The following SDC2 variants were observed in gnomAD, a reference collection of about 807,000 sequenced individuals.
SDC2 encodes syndecan-2.
A neutral mutation model predicts 22.2 loss-of-function variants in SDC2; 13 were observed. The ratio of observed to expected loss-of-function variants is 0.59; its 90% CI spans 0.38 to 0.93. SDC2 has a LOEUF of 0.93. Among genes scored for constraint, SDC2 ranks in the 40% least tolerant of loss-of-function variants. The pLI, the probability that SDC2 is intolerant of heterozygous loss-of-function variation, is 0.00. For missense variants in SDC2, 235 were observed against 246.8 expected, an observed-to-expected ratio of 0.95 and a Z score of 0.32; for synonymous variants, 94 against 92.8, an observed-to-expected ratio of 1.01 and a Z score of -0.07.
intron 1 of SDC2, among the ~76,000 whole-genome samples, chr8:96,551,664 T>C (rs1002618873): frequency 6.6e-6 from 1 of 152,188 alleles, no homozygotes; most frequent in African/African-American, 2.4e-5. Context: ...ATTTTGGAGC[T>C]GATGAGCTTT....
chr8:96,539,120 T>A (rs2651465), intron 1 of SDC2, among the ~76,000 whole-genome samples: 130,756 of 152,242 alleles, frequency 0.86, 56,335 homozygotes, highest in Middle Eastern at 0.9. Flanking sequence ...TTCTCGTTTT[T>A]CTTTTAAATA....
At chr8:96,567,145 C>T (rs900650967) in intron 1 of SDC2, among the ~76,000 whole-genome samples, 3 of 152,156 alleles carry the variant, frequency 2.0e-5, no homozygotes, top group African/African-American at 4.8e-5. Context: ...TGAGCCACTG[C>T]GTCTGGCCTA....
chr8:96,500,235 T>C (rs1241882996), intron 1 of SDC2, among the ~76,000 whole-genome samples: 1 of 152,060 alleles, frequency 6.6e-6, no homozygotes, highest in African/African-American at 2.4e-5. Context: ...TTCCAGCACA[T>C]GGGAAGGAGA....
chr8:96,562,894 T>TTG (rs1814233385), intron 1 of SDC2, among the ~76,000 whole-genome samples: 1 of 152,114 alleles, frequency 6.6e-6, no homozygotes, highest in Admixed American at 6.5e-5. Flanking sequence ...GTGACTCTGG[T>TTG]GGGGGACATG....
At chr8:96,587,423 G>A (rs1685888927) in intron 1 of SDC2, among the ~76,000 whole-genome samples, 1 of 152,204 alleles carries the variant, frequency 6.6e-6, no homozygotes, top group Non-Finnish European at 1.5e-5. Flanking sequence ...AAAGACAACA[G>A]TATGTGCTTA....
chr8:96,520,696 G>T (rs182151244), intron 1 of SDC2, among the ~76,000 whole-genome samples: 1 of 152,208 alleles, frequency 6.6e-6, no homozygotes, highest in Non-Finnish European at 1.5e-5. Context: ...GCCGGAACAG[G>T]CCTGGTGCCA....
chr8:96,522,480 G>T (rs1194598271), intron 1 of SDC2, among the ~76,000 whole-genome samples: 1 of 152,048 alleles, frequency 6.6e-6, no homozygotes, highest in African/African-American at 2.4e-5. Flanking sequence ...TTCGGAAAAA[G>T]AAGGAAGGTA....
chr8:96,604,523 A>C (rs1454943684), intron 3 of SDC2, among the ~76,000 whole-genome samples: 2 of 152,212 alleles, frequency 1.3e-5, no homozygotes, highest in South Asian at 2.1e-4. Context: ...ATAATGATTA[A>C]ATTTTTCATT....
rs371778531 is a variant in SDC2, at chr8:96,567,092, G to A, written c.61-26388G>A. Among the ~76,000 whole-genome samples, 18 of 152,356 alleles carry A rather than the reference G, an allele frequency of 1.2e-4. 2 individuals carry two copies. In the South Asian group the frequency reaches 1.9e-3, roughly 16 times the overall value. On this transcript the variant is annotated intron_variant, in intron 1 of 4. Coordinates refer to ENST00000302190, the MANE Select transcript of SDC2 (RefSeq NM_002998.4). ...TGGCCTGGAACTCCTCACCTCAAGT[G>A]ATCCACCTGCCTCGGCTTCCCAAAG... is the stretch of plus-strand genomic sequence containing the variant.
In SDC2 at chr8:96,610,098, T is replaced by G. The variant is rs1479305276; in HGVS notation, c.*550T>G. On this transcript the variant is annotated 3_prime_UTR_variant, in exon 5 of 5. Coordinates refer to ENST00000302190, the MANE Select transcript of SDC2 (RefSeq NM_002998.4). ...TATGTAAACTTTAACTTCCACTTTGTATAAATTTTTAAGTGTCAGACTATC... is the reference window on the plus strand; with the variant it reads ...TATGTAAACTTTAACTTCCACTTTGGATAAATTTTTAAGTGTCAGACTATC... The G allele has an allele frequency of 3.3e-5, 5 of 152,660 alleles. No individual in the cohort carries two copies. Among genetic ancestry groups the G allele is most frequent in the Non-Finnish European group, 7.3e-5 (5 of 68,044 alleles). The allele number at this position is 152,660 out of a possible 1,614,324, so 9.5% of individuals were successfully genotyped here. A position where few individuals can be genotyped will look rare whatever the true frequency, so the allele number is the denominator to read the frequency against.
At chr8:96,582,985 T>A (rs913057584) in intron 1 of SDC2, among the ~76,000 whole-genome samples, 1 of 151,842 alleles carries the variant, frequency 6.6e-6, no homozygotes, top group African/African-American at 2.4e-5. Flanking sequence ...ACCTTTTGCC[T>A]TTGTGACCAC....
intron 1 of SDC2, among the ~76,000 whole-genome samples, chr8:96,549,876 T>G (rs1813999234): frequency 6.6e-6 from 1 of 152,214 alleles, no homozygotes; most frequent in Admixed American, 6.5e-5. Flanking sequence ...ATACACTTCT[T>G]TTTTGGCTAA....
chr8:96,584,799 G>T (rs1304271623), intron 1 of SDC2: 4 of 152,226 alleles, frequency 2.6e-5, no homozygotes, highest in African/African-American at 9.6e-5. Flanking sequence ...AAAAAAGGAA[G>T]AAAGCTCAAT....
At chr8:96,519,859 C>T (rs986245522) in intron 1 of SDC2, among the ~76,000 whole-genome samples, 5 of 151,818 alleles carry the variant, frequency 3.3e-5, no homozygotes, top group African/African-American at 7.3e-5. Flanking sequence ...AACTCCTGAC[C>T]TCAAGTGATC....
chr8:96,602,031 T>A (rs192195356), intron 2 of SDC2, among the ~76,000 whole-genome samples: 1 of 152,154 alleles, frequency 6.6e-6, no homozygotes, highest in Non-Finnish European at 1.5e-5. Context: ...GTGCTGAAAT[T>A]ACAGGCGTGA....
chr8:96,556,456 C>G, intron 1 of SDC2, among the ~76,000 whole-genome samples: 1 of 152,042 alleles, frequency 6.6e-6, no homozygotes, highest in African/African-American at 2.4e-5. Flanking sequence ...ACAGAGCCCT[C>G]AGAAATAACG....
intron 1 of SDC2, among the ~76,000 whole-genome samples, chr8:96,547,136 G>T (rs189014205): frequency 3.4e-4 from 52 of 152,310 alleles, no homozygotes; most frequent in African/African-American, 1.2e-3. Context: ...TTTTGTGTTG[G>T]ATTGAATGGT....
At chr8:96,500,527 T>G (rs1021741537) in intron 1 of SDC2, among the ~76,000 whole-genome samples, 1 of 151,806 alleles carries the variant, frequency 6.6e-6, no homozygotes, top group East Asian at 1.9e-4. Context: ...CCGGGCGTGG[T>G]GATGGGCACC....
chr8:96,525,173 T>C (rs535516422), intron 1 of SDC2, among the ~76,000 whole-genome samples: 1 of 152,352 alleles, frequency 6.6e-6, no homozygotes, highest in African/African-American at 2.4e-5. Context: ...TTCAAGGCTG[T>C]CCGTTCCCAC....
Sources: gnomAD v4.1 joint callset for allele counts (sites outside exome capture counted in the v4.1 genomes callset) on GRCh38, gnomAD v4.1.1 for gene constraint, MANE v1.5 for transcripts, NCBI Gene and HGNC (gene_info 2026-07-23, HGNC 2026-07-21) for gene names.